The following ZC3H8 variants were observed in gnomAD, a reference collection of about 807,000 sequenced individuals.
ZC3H8 encodes the protein zinc finger CCCH-type containing 8.
A neutral mutation model predicts 42.5 loss-of-function variants in ZC3H8; 27 were observed. The ratio of observed to expected loss-of-function variants is 0.64; its 90% CI spans 0.47 to 0.88. The LOEUF (loss-of-function observed/expected upper bound fraction) is 0.88. ZC3H8 is among the 40% of genes least tolerant of loss of function. ZC3H8 has a pLI of 0.00. For missense variants in ZC3H8, 277 were observed against 336.1 expected (o/e 0.82, Z 1.37); for synonymous variants, 101 against 110.1 (o/e 0.92, Z 0.52).
chr2:112,253,006 C>A (rs1317593067), intron 1 of ZC3H8, among the ~76,000 whole-genome samples: 1 of 151,980 alleles, frequency 6.6e-6, no homozygotes, highest in Non-Finnish European at 1.5e-5. Flanking sequence ...TGGTGGCAGG[C>A]GCCTGTAGTC....
intron 2 of ZC3H8, among the ~76,000 whole-genome samples, chr2:112,241,889 A>G (rs2062264473): frequency 6.6e-6 from 1 of 152,204 alleles, no homozygotes; most frequent in South Asian, 2.1e-4. Flanking sequence ...ATTTTATTTT[A>G]TACACTTAAA....
intron 8 of ZC3H8, among the ~76,000 whole-genome samples, chr2:112,226,081 CA>C (rs551484413): frequency 2.9e-5 from 4 of 139,126 alleles, no homozygotes; most frequent in Non-Finnish European, 1.6e-5. Context: ...GACTTCATCT[CA>C]AAAAAAAAAG....
chr2:112,228,230 C>T (rs1048014338), intron 8 of ZC3H8, among the ~76,000 whole-genome samples: 1 of 152,166 alleles, frequency 6.6e-6, no homozygotes, highest in Non-Finnish European at 1.5e-5. Flanking sequence ...TGGCCAGGCA[C>T]AGTGGCTCAC....
chr2:112,226,208 T>A (rs914436751), intron 8 of ZC3H8, among the ~76,000 whole-genome samples: 1 of 151,492 alleles, frequency 6.6e-6, no homozygotes, highest in Non-Finnish European at 1.5e-5. Flanking sequence ...AAGATACAAA[T>A]TACCAAAGCT....
At chr2:112,246,731 T>C (rs1199154436) in intron 2 of ZC3H8, among the ~76,000 whole-genome samples, 1 of 152,232 alleles carries the variant, frequency 6.6e-6, no homozygotes, top group African/African-American at 2.4e-5. Context: ...CTATGAACAT[T>C]GTTGAAATGA....
intron 8 of ZC3H8, among the ~76,000 whole-genome samples, chr2:112,225,359 T>G (rs1453343389): frequency 6.6e-6 from 1 of 152,230 alleles, no homozygotes; most frequent in Non-Finnish European, 1.5e-5. Context: ...ACACCTGCAG[T>G]CCCAGCTACT....
intron 1 of ZC3H8, among the ~76,000 whole-genome samples, chr2:112,254,425 T>C (rs78409686): frequency 0.022 from 3,328 of 152,362 alleles, 57 homozygotes; most frequent in Non-Finnish European, 0.031. Context: ...TGGCAGAGTA[T>C]TGCCTATTCT....
chr2:112,252,881 C>T (rs759577998), intron 1 of ZC3H8, among the ~76,000 whole-genome samples: 1 of 152,210 alleles, frequency 6.6e-6, no homozygotes, highest in Non-Finnish European at 1.5e-5. Flanking sequence ...CGGTGGCTCA[C>T]GCCTGTAATC....
intron 6 of ZC3H8, 71 bp from the exon 7 acceptor site, chr2:112,232,018 T>C: frequency 7.4e-6 from 7 of 951,966 alleles, no homozygotes; most frequent in Non-Finnish European, 1.1e-5. Flanking sequence ...AATGACTTTA[T>C]TTTTCCTAAA....
rs547253719 is a variant in ZC3H8, at chr2:112,247,928, A to G, written c.156+2263T>C. Among the ~76,000 whole-genome samples the G allele has an allele frequency of 8.7e-4, 132 of 152,380 alleles. No homozygotes were observed. In the South Asian group the frequency reaches 0.011, roughly 13 times the overall value. On this transcript the variant is annotated intron_variant, in intron 2 of 8. Transcript: ENST00000409573. ...CTTGGCTCTCATCTTTGGAAGCCAC[A>G]TAGGCCCCAAAGGGGAAAAGAAGTT... is the stretch of plus-strand genomic sequence containing the variant.
At chr2:112,220,442 A>G (rs1398004498) in intron 8 of ZC3H8, among the ~76,000 whole-genome samples, 1 of 152,186 alleles carries the variant, frequency 6.6e-6, no homozygotes, top group African/African-American at 2.4e-5. Flanking sequence ...TTCTTGGTTG[A>G]AAATTCTTTA....
chr2:112,228,794 A>G (rs1684962135), intron 8 of ZC3H8, among the ~76,000 whole-genome samples: 1 of 152,236 alleles, frequency 6.6e-6, no homozygotes, highest in African/African-American at 2.4e-5. Flanking sequence ...TTAATAAAAT[A>G]AGACAAGCCA....
intron 4 of ZC3H8, among the ~76,000 whole-genome samples, chr2:112,235,564 G>A (rs77024696): frequency 0.011 from 1,627 of 152,124 alleles, 29 homozygotes; most frequent in African/African-American, 0.036. Flanking sequence ...AGAATATTTG[G>A]CATTTCTAAT....
chr2:112,249,622 T>C (rs974580465), intron 2 of ZC3H8, among the ~76,000 whole-genome samples: 3 of 152,102 alleles, frequency 2.0e-5, no homozygotes, highest in African/African-American at 7.2e-5. Context: ...TTTTTTTGTA[T>C]TTTTAGTAGA....
At chr2:112,230,737 T>G (rs1013873594) in intron 8 of ZC3H8, 166 bp downstream of exon 8, 14 of 315,206 alleles carry the variant, frequency 4.4e-5, no homozygotes, top group Non-Finnish European at 7.9e-5. Flanking sequence ...AGCAGGCTGA[T>G]GTAGATCCAT....
chr2:112,254,011 A>C (rs888616629), intron 1 of ZC3H8: 2 of 653,304 alleles, frequency 3.1e-6, no homozygotes, highest in Middle Eastern at 7.4e-4. Flanking sequence ...TCCGTGCCTC[A>C]GTTTTCCCAT....
intron 2 of ZC3H8, among the ~76,000 whole-genome samples, chr2:112,242,876 T>C (rs1270251970): frequency 1.3e-5 from 2 of 152,220 alleles, no homozygotes; most frequent in African/African-American, 4.8e-5. Flanking sequence ...AAAACAAGAC[T>C]ATAATCAAAG....
At chr2:112,242,203 G>A (rs1487215613) in intron 2 of ZC3H8, among the ~76,000 whole-genome samples, 3 of 152,150 alleles carry the variant, frequency 2.0e-5, no homozygotes, top group Non-Finnish European at 4.4e-5. Context: ...GGCAAAATCC[G>A]CTCTGCCACC....
intron 8 of ZC3H8, among the ~76,000 whole-genome samples, chr2:112,219,136 G>A (rs1050260120): frequency 6.6e-6 from 1 of 152,078 alleles, no homozygotes; most frequent in Non-Finnish European, 1.5e-5. Context: ...GGAACAAATA[G>A]CCAAAATCTT....
Sources: gnomAD v4.1 joint callset for allele counts (sites outside exome capture counted in the v4.1 genomes callset) on GRCh38, gnomAD v4.1.1 for gene constraint, MANE v1.5 for transcripts, NCBI Gene and HGNC (gene_info 2026-07-23, HGNC 2026-07-21) for gene names.